The following PATJ variants were observed in gnomAD, a reference collection of about 807,000 sequenced individuals.
PATJ encodes the protein inaD-like protein.
A neutral mutation model predicts 224.9 loss-of-function variants in PATJ; 190 were observed. That is an observed-to-expected ratio of 0.84 (90% confidence interval 0.75 to 0.95). PATJ has a LOEUF of 0.95. Ranked by LOEUF, PATJ falls within the 40% of genes least tolerant of loss-of-function variation. The probability of loss-of-function intolerance (pLI) is 0.00; values close to 1 mark genes in which losing one functional copy is unlikely to be tolerated. For missense variants in PATJ, 2,121 were observed against 2,270.3 expected (o/e 0.93, Z 1.34); for synonymous variants, 769 against 820.3 (o/e 0.94, Z 1.07).
At chr1:61,856,759 T>A (rs1391693287) in intron 18 of PATJ, among the ~76,000 whole-genome samples, 5 of 152,070 alleles carry the variant, frequency 3.3e-5, no homozygotes, top group Non-Finnish European at 1.5e-5. Context: ...TGGCTACTAA[T>A]TTTTTGTATT....
intron 30 of PATJ, among the ~76,000 whole-genome samples, chr1:62,049,674 C>T (rs1653222354): frequency 1.3e-5 from 2 of 152,084 alleles, no homozygotes; most frequent in African/African-American, 4.8e-5. Flanking sequence ...GAGGAGATGC[C>T]TAATGTGTTT....
intron 32 of PATJ, among the ~76,000 whole-genome samples, chr1:62,083,868 C>T (rs1009724376): frequency 6.6e-6 from 1 of 152,148 alleles, no homozygotes; most frequent in Non-Finnish European, 1.5e-5. Context: ...GTTATACCAG[C>T]CTTTATTCTC....
At chr1:62,002,926 G>A (rs1645876069) in intron 28 of PATJ, among the ~76,000 whole-genome samples, 2 of 152,160 alleles carry the variant, frequency 1.3e-5, no homozygotes, top group Non-Finnish European at 2.9e-5. Flanking sequence ...ATGAAAAGGA[G>A]CAAACATTAA....
intron 27 of PATJ, among the ~76,000 whole-genome samples, chr1:61,933,557 GA>G (rs1242607816): frequency 6.7e-6 from 1 of 149,798 alleles, no homozygotes; most frequent in Non-Finnish European, 1.5e-5. Context: ...AAAAAAAAAG[GA>G]AAAAAAGAAT....
chr1:61,952,244 A>G, intron 27 of PATJ: 1 of 304,424 alleles, frequency 3.3e-6, no homozygotes, highest in East Asian at 6.7e-5. Flanking sequence ...CCTTAAAGAG[A>G]ACAAAATCTG....
intron 14 of PATJ, among the ~76,000 whole-genome samples, chr1:61,809,365 T>C (rs1036835867): frequency 6.6e-6 from 1 of 151,882 alleles, no homozygotes; most frequent in Admixed American, 6.6e-5. Flanking sequence ...TTCTGTCACA[T>C]GCAGTTTTAA....
chr1:62,019,506 G>T, intron 29 of PATJ, among the ~76,000 whole-genome samples: 1 of 151,708 alleles, frequency 6.6e-6, no homozygotes, highest in Non-Finnish European at 1.5e-5. Flanking sequence ...TTGACAAAGC[G>T]AGTCTCTGTC....
intron 27 of PATJ, among the ~76,000 whole-genome samples, chr1:61,962,689 G>A (rs1681483000): frequency 6.6e-6 from 1 of 152,196 alleles, no homozygotes; most frequent in South Asian, 2.1e-4. Context: ...TCTGAGTGAA[G>A]ACACCCCAAA....
chr1:62,150,009 G>A (rs1668462220), intron 42 of PATJ, among the ~76,000 whole-genome samples: 1 of 152,104 alleles, frequency 6.6e-6, no homozygotes, highest in South Asian at 2.1e-4. Flanking sequence ...TGATTTGATG[G>A]CCACAGGAGG....
At chr1:61,923,590 T>G (rs575183167) in intron 26 of PATJ, among the ~76,000 whole-genome samples, 26 of 151,712 alleles carry the variant, frequency 1.7e-4, no homozygotes, top group Non-Finnish European at 3.4e-4. Context: ...CTAACAGAGG[T>G]CTAGGTTTGG....
chr1:61,825,200 T>C (rs892323764), intron 15 of PATJ, among the ~76,000 whole-genome samples: 1 of 152,202 alleles, frequency 6.6e-6, no homozygotes, highest in Non-Finnish European at 1.5e-5. Flanking sequence ...GGCAATATTA[T>C]CACTGTGAAG....
At position 61,797,369 on chromosome 1, in the gene PATJ, C is replaced by G; in HGVS notation, c.1343C>G (p.Thr448Ser). 1 of 1,613,896 alleles carries G rather than the reference C, an allele frequency of 6.2e-7. No individual in the cohort carries two copies. Among genetic ancestry groups the G allele is most frequent in the Non-Finnish European group, 8.5e-7 (1 of 1,179,802 alleles). Residue 448 changes from threonine to serine, a missense_variant, in exon 11 of 44, where the codon ACC (threonine) becomes AGC (serine). Transcript: ENST00000642238. ...AATGCAGGGCAGGTGGTACACCTAACCCTAGTTCGAAGGAAGACATCCTCA... is the reference window on the plus strand; with the variant it reads ...AATGCAGGGCAGGTGGTACACCTAAGCCTAGTTCGAAGGAAGACATCCTCA... ...LRNAGQVVHL[T>S]LVRRKTSSST... is the part of the protein sequence containing the mutation.
intron 42 of PATJ, among the ~76,000 whole-genome samples, chr1:62,151,018 AATCCC>A (rs1450194998): frequency 5.9e-5 from 9 of 152,146 alleles, no homozygotes; most frequent in Admixed American, 5.9e-4. Flanking sequence ...ACATGCCTGT[AATCCC>A]AGCTACTCGG....
intron 18 of PATJ, among the ~76,000 whole-genome samples, chr1:61,859,866 C>T (rs1275776901): frequency 2.6e-5 from 4 of 152,030 alleles, no homozygotes; most frequent in Non-Finnish European, 5.9e-5. Flanking sequence ...GTGATCCACC[C>T]GCCTCGGCCT....
At chr1:62,101,752 G>T (rs1662208517) in intron 33 of PATJ, among the ~76,000 whole-genome samples, 2 of 152,174 alleles carry the variant, frequency 1.3e-5, no homozygotes, top group South Asian at 4.1e-4. Flanking sequence ...AAGTTTTTAA[G>T]CAGAAGACTT....
intron 41 of PATJ, among the ~76,000 whole-genome samples, chr1:62,142,040 A>G (rs72677977): frequency 0.034 from 5,213 of 152,302 alleles, 106 homozygotes; most frequent in Non-Finnish European, 0.046. Flanking sequence ...ATATTCAGCC[A>G]TAGTGATGCT....
chr1:62,056,434 G>A (rs1274359337), intron 31 of PATJ, among the ~76,000 whole-genome samples: 1 of 152,054 alleles, frequency 6.6e-6, no homozygotes, highest in Non-Finnish European at 1.5e-5. Flanking sequence ...AGGCTGAAGT[G>A]GGAGGATTAA....
chr1:62,110,461 C>T (rs748276684), intron 34 of PATJ, among the ~76,000 whole-genome samples: 8 of 152,166 alleles, frequency 5.3e-5, no homozygotes, highest in East Asian at 1.9e-4. Flanking sequence ...CTCCGCATTC[C>T]GCAAATTGGC....
rs780377840 is a variant in PATJ at position 61,908,504 on chromosome 1, C to T, written c.3492+22C>T. 5.9e-6 allele frequency: 9 copies of T among 1,518,126 alleles called. No individual in the cohort carries two copies. In the South Asian group the frequency reaches 9.0e-5, roughly 15 times the overall value. The allele number at this position is 1,518,126 out of a possible 1,614,324, so 94.0% of individuals were successfully genotyped here. ...ACGAGTAAGTTTTAGTTCATATTTT[C>T]AAAAAGTTTAACAACACTCTGTATA... On this transcript the variant is annotated intron_variant, in intron 25 of 43. Coordinates refer to ENST00000642238, the MANE Select transcript of PATJ (RefSeq NM_001350145.3).
Sources: allele counts gnomAD v4.1 joint callset (sites outside exome capture counted in the v4.1 genomes callset), GRCh38; gene constraint gnomAD v4.1.1; transcripts MANE v1.5; gene names NCBI Gene and HGNC (gene_info 2026-07-23, HGNC 2026-07-21).